The following PRDM16 variants were observed in gnomAD, a reference collection of about 807,000 sequenced individuals.
PRDM16 encodes the protein PR/SET domain 16.
Under a neutral mutation model 110.6 loss-of-function variants are expected in PRDM16, and 23 were observed. That is an observed-to-expected ratio of 0.21 (90% confidence interval 0.15 to 0.29). PRDM16 has a LOEUF of 0.29. Among genes scored for constraint, PRDM16 ranks in the 10% least tolerant of loss-of-function variants. PRDM16 has a pLI of 1.00. For synonymous variants in PRDM16, 799 were observed against 781.8 expected (o/e 1.02, Z -0.37); for missense variants, 1,615 against 1,794.3 (o/e 0.90, Z 1.81).
At chr1:3,365,645 T>A (rs115817617) in intron 3 of PRDM16, among the ~76,000 whole-genome samples, 1,538 of 152,340 alleles carry the variant, frequency 0.01, 31 homozygotes, top group African/African-American at 0.035. Flanking sequence ...GAATGTTAGC[T>A]GCAGGCAGAG....
At chr1:3,250,934 G>A (rs1639915962) in intron 3 of PRDM16, among the ~76,000 whole-genome samples, 2 of 152,230 alleles carry the variant, frequency 1.3e-5, no homozygotes, top group Admixed American at 6.5e-5. Context: ...GCAGGGGGCT[G>A]TGTCCCCCAT....
At chr1:3,386,900 T>C in intron 4 of PRDM16, 1 of 152,328 alleles carries the variant, frequency 6.6e-6, no homozygotes, top group East Asian at 1.9e-4. Context: ...TAAATGTTTA[T>C]TAGAACTTTT....
chr1:3,248,337 C>T (rs1639842793), intron 3 of PRDM16, among the ~76,000 whole-genome samples: 1 of 152,186 alleles, frequency 6.6e-6, no homozygotes, highest in Admixed American at 6.5e-5. Context: ...CCTTCCCCCT[C>T]TTGAAAAGGA....
At position 3,432,147 on chromosome 1, in the gene PRDM16, A is replaced by G. The variant is rs746946590; in HGVS notation, c.3696+7A>G. 2 of 1,610,828 alleles carry G rather than the reference A, an allele frequency of 1.2e-6. No individual in the cohort carries two copies. The highest frequency in any genetic ancestry group is 2.2e-5 in the East Asian group (1 of 44,794). On this transcript the variant is annotated splice_region_variant and intron_variant, in intron 16 of 16. Coordinates refer to ENST00000270722, the MANE Select transcript of PRDM16 (RefSeq NM_022114.4). Reference sequence around the variant, plus strand: ...CAGGCAGGCTAAGAACCAGGTAGGTACCCGCCAGAGCCCCTCCCCCACCCC... The same window carrying G: ...CAGGCAGGCTAAGAACCAGGTAGGTGCCCGCCAGAGCCCCTCCCCCACCCC...
At chr1:3,170,997 C>T (rs933326330) in intron 1 of PRDM16, among the ~76,000 whole-genome samples, 2 of 152,244 alleles carry the variant, frequency 1.3e-5, no homozygotes, top group Non-Finnish European at 2.9e-5. Context: ...AGAGAGCCCA[C>T]ACAGCCTCGC....
At chr1:3,333,733 A>AGTAGATC (rs1414554299) in intron 3 of PRDM16, among the ~76,000 whole-genome samples, 1 of 152,144 alleles carries the variant, frequency 6.6e-6, no homozygotes, top group Admixed American at 6.6e-5. Context: ...GCAGGAGGCG[A>AGTAGATC]GTAGATCATG....
In PRDM16 at chr1:3,161,368, G is replaced by A. The variant is rs761220461; in HGVS notation, c.38-24757G>A. Among the ~76,000 whole-genome samples, 8 of 152,194 alleles carry A rather than the reference G, an allele frequency of 5.3e-5. No individual in the cohort carries two copies. The East Asian group carries it at 7.7e-4, about 15-fold the overall frequency. On this transcript the variant is annotated intron_variant, in intron 1 of 16. Coordinates refer to ENST00000270722, the MANE Select transcript of PRDM16 (RefSeq NM_022114.4). ...GTCACAGCCACACCAAGTACAAACC[G>A]AGGTGGTTTCCCACATCTTGTCAAA...
intron 4 of PRDM16, among the ~76,000 whole-genome samples, chr1:3,394,667 G>T (rs1643358130): frequency 6.6e-6 from 1 of 152,220 alleles, no homozygotes; most frequent in Non-Finnish European, 1.5e-5. Flanking sequence ...GCCAGGCCGG[G>T]CAGTCACTCA....
At chr1:3,419,268 G>A (rs368777919) in intron 12 of PRDM16, among the ~76,000 whole-genome samples, 10 of 152,194 alleles carry the variant, frequency 6.6e-5, no homozygotes, top group African/African-American at 1.7e-4. Context: ...ACGGGGTCCC[G>A]GGGACAGCCT....
intron 3 of PRDM16, among the ~76,000 whole-genome samples, chr1:3,351,576 TTCTCTCCCTC>T (rs1642487226): frequency 1.8e-3 from 1 of 566 alleles, no homozygotes; most frequent in African/African-American, 6.8e-3. Context: ...CCCTTCCTCC[TTCTCTCCCTC>T]CCTCTCTCTT....
intron 3 of PRDM16, among the ~76,000 whole-genome samples, chr1:3,343,472 T>C (rs911523859): frequency 1.3e-5 from 2 of 151,436 alleles, no homozygotes; most frequent in African/African-American, 4.9e-5. Context: ...ATGCTTTAAA[T>C]CTCTTCCTTT....
chr1:3,082,492 T>C (rs1265626266), intron 1 of PRDM16, among the ~76,000 whole-genome samples: 2 of 152,174 alleles, frequency 1.3e-5, no homozygotes, highest in Non-Finnish European at 2.9e-5. Flanking sequence ...GCCCCTGAGC[T>C]GGGCTGAATG....
intron 3 of PRDM16, among the ~76,000 whole-genome samples, chr1:3,321,468 A>G (rs1641744062): frequency 1.3e-5 from 2 of 148,468 alleles, no homozygotes; most frequent in South Asian, 4.3e-4. Context: ...CACATGTGTG[A>G]AGGGTACATA....
At chr1:3,380,387 T>G (rs2493309) in intron 3 of PRDM16, among the ~76,000 whole-genome samples, 12 of 151,682 alleles carry the variant, frequency 7.9e-5, no homozygotes, top group African/African-American at 2.9e-4. Context: ...CTGTGACTAT[T>G]AAATTGGTCA....
At chr1:3,239,665 A>G (rs1378342993) in intron 2 of PRDM16, among the ~76,000 whole-genome samples, 1 of 152,234 alleles carries the variant, frequency 6.6e-6, no homozygotes, top group Non-Finnish European at 1.5e-5. Context: ...AAAGTAGGTT[A>G]GAACCAGCCA....
chr1:3,377,848 C>T, intron 3 of PRDM16, among the ~76,000 whole-genome samples: 1 of 152,272 alleles, frequency 6.6e-6, no homozygotes, highest in Middle Eastern at 3.4e-3. Flanking sequence ...GCAGTGAGCC[C>T]GGGTTGGTCA....
At chr1:3,407,823 A>G (rs571739904) in intron 8 of PRDM16, among the ~76,000 whole-genome samples, 2 of 152,238 alleles carry the variant, frequency 1.3e-5, no homozygotes, top group South Asian at 4.1e-4. Flanking sequence ...GGGAAACTCA[A>G]CTGGCCCTGC....
intron 1 of PRDM16, among the ~76,000 whole-genome samples, chr1:3,114,205 A>ACACGCACGCG (rs1379954088): frequency 8.2e-5 from 6 of 73,578 alleles, no homozygotes; most frequent in Admixed American, 2.7e-4. Context: ...ACACGCACGC[A>ACACGCACGCG]CACACGCACA....
rs145204024 is a variant in PRDM16 at position 3,182,527 on chromosome 1, A to G, written c.38-3598A>G. Among the ~76,000 whole-genome samples the G allele has an allele frequency of 5.2e-3, 785 of 152,278 alleles. 5 individuals are homozygous for G. Among genetic ancestry groups the G allele is most frequent in the African/African-American group, 0.018 (736 of 41,540 alleles). ...AGATGGTGGGGGTGGCCTCTGTTCC[A>G]GGATCATTTCCTATAGCCTGGGTGA... On this transcript the variant is annotated intron_variant, in intron 1 of 16. Coordinates refer to ENST00000270722, the MANE Select transcript of PRDM16 (RefSeq NM_022114.4).
Sources: gnomAD v4.1 joint callset for allele counts (sites outside exome capture counted in the v4.1 genomes callset) on GRCh38, gnomAD v4.1.1 for gene constraint, MANE v1.5 for transcripts, NCBI Gene and HGNC (gene_info 2026-07-23, HGNC 2026-07-21) for gene names.